Variants in PHF6 observed in about 807,000 individuals in gnomAD.
PHF6 encodes PHD finger protein 6.
Under a neutral mutation model 34.0 loss-of-function variants are expected in PHF6, and 7 were observed. The ratio of observed to expected loss-of-function variants is 0.21; its 90% CI spans 0.12 to 0.39. The LOEUF is 0.39. PHF6 is among the 10% of genes least tolerant of loss of function. PHF6 has a pLI of 1.00. For missense variants in PHF6, 128 were observed against 262.8 expected, an observed-to-expected ratio of 0.49 and a Z score of 3.55; for synonymous variants, 89 against 88.4, an observed-to-expected ratio of 1.01 and a Z score of -0.04.
At position 134,425,297 on chromosome X, in the gene PHF6, A is replaced by G. The variant is rs1403468308; in HGVS notation, c.1065A>G (p.Gln355=). The part of the protein sequence containing the change: ...KSRGKVEIDQ[Q]QLTQQQLNGN ...GAGGAAAAGTAGAAATTGATCAGCA[A>G]CAACTAACTCAGCAGCAACTTAATG... The change falls in exon 10 of 11, where the codon CAA becomes CAG. Residue 355 remains glutamine (Q), a synonymous_variant. Coordinates refer to ENST00000370803, the MANE Select transcript of PHF6 (RefSeq NM_001015877.2). 1 of 1,211,699 alleles carries G rather than the reference A, an allele frequency of 8.3e-7. No individual in the cohort carries two copies. The highest frequency in any genetic ancestry group is 1.7e-5 in the African/African-American group (1 of 57,885).
At chrX:134,396,815 C>T (rs955511773) in intron 5 of PHF6, among the ~76,000 whole-genome samples, 4 of 107,022 alleles carry the variant, frequency 3.7e-5, no homozygotes, top group African/African-American at 1.0e-4. Context: ...TTCTCCTTTA[C>T]GATCATGGTT....
At chrX:134,384,797 G>A (rs887744276) in intron 3 of PHF6, among the ~76,000 whole-genome samples, 10 of 109,961 alleles carry the variant, frequency 9.1e-5, no homozygotes, top group South Asian at 3.9e-4. Flanking sequence ...GACTACAGGC[G>A]CCCACCACCG....
intron 1 of PHF6, among the ~76,000 whole-genome samples, chrX:134,376,065 G>A (rs1391581919): frequency 8.9e-6 from 1 of 112,085 alleles, no homozygotes; most frequent in Non-Finnish European, 1.9e-5. Context: ...AGCAGAGACT[G>A]TCAGGGCCTT....
chrX:134,402,609 AAAAT>A (rs1367876492), intron 5 of PHF6, among the ~76,000 whole-genome samples: 1 of 111,966 alleles, frequency 8.9e-6, no homozygotes, highest in Admixed American at 9.5e-5. Flanking sequence ...GATTAAATGA[AAAAT>A]AATGCGTGTA....
intron 5 of PHF6, among the ~76,000 whole-genome samples, chrX:134,401,721 T>C (rs1346038957): frequency 9.0e-6 from 1 of 111,675 alleles, no homozygotes; most frequent in Non-Finnish European, 1.9e-5. Context: ...ATCCCATGCT[T>C]TCTGAGATGG....
chrX:134,380,257 C>T (rs2124202014), intron 3 of PHF6, among the ~76,000 whole-genome samples: 1 of 108,141 alleles, frequency 9.2e-6, no homozygotes, highest in Admixed American at 9.9e-5. Flanking sequence ...CACCATTCTC[C>T]TGCCTCAGCC....
intron 5 of PHF6, among the ~76,000 whole-genome samples, chrX:134,400,634 G>A (rs895929828): frequency 1.8e-5 from 2 of 110,396 alleles, no homozygotes; most frequent in Non-Finnish European, 3.8e-5. Context: ...TGTGAGGGTT[G>A]GAAGCTGAAG....
chrX:134,397,623 C>T (rs1285736826), intron 5 of PHF6, among the ~76,000 whole-genome samples: 2 of 111,864 alleles, frequency 1.8e-5, no homozygotes, highest in Non-Finnish European at 3.8e-5. Flanking sequence ...GCACTCCAGC[C>T]TGGGTGACAG....
At chrX:134,398,351 C>T (rs1262364143) in intron 5 of PHF6, among the ~76,000 whole-genome samples, 1 of 112,020 alleles carries the variant, frequency 8.9e-6, no homozygotes, top group African/African-American at 3.2e-5. Flanking sequence ...AATCATGCCA[C>T]TGCACTCCAG....
Position 134,423,943 on chromosome X carries a change from A to G in PHF6, c.969-1258A>G, listed in dbSNP as rs1569345602. On this transcript the variant is annotated intron_variant, in intron 9 of 10. Coordinates refer to ENST00000370803, the MANE Select transcript of PHF6 (RefSeq NM_001015877.2). Reference sequence around the variant, plus strand: ...ACTTGGACACAGGGTGGGGAACATCACATACCAGGGCCGGTCGTGGGATGG... The same window carrying G: ...ACTTGGACACAGGGTGGGGAACATCGCATACCAGGGCCGGTCGTGGGATGG... Among the ~76,000 whole-genome samples the G allele has an allele frequency of 2.7e-5, 3 of 109,344 alleles. No homozygotes were observed. In the Admixed American group the frequency reaches 3.0e-4, roughly 11 times the overall value. The allele number at this position is 109,344 out of a possible 115,157, so 95.0% of individuals were successfully genotyped here. A position where few individuals can be genotyped will look rare whatever the true frequency, so the allele number is the denominator to read the frequency against.
chrX:134,406,062 T>TTTTC (rs775639514), intron 5 of PHF6, among the ~76,000 whole-genome samples: 17,155 of 77,851 alleles, frequency 0.22, 1,946 homozygotes, highest in Middle Eastern at 0.38. Flanking sequence ...TCCTTTTTCT[T>TTTTC]TTTCTTTCTT....
chrX:134,393,545 T>C lies in PHF6; in HGVS notation c.285T>C (p.Asp95=). 1 of 1,209,657 alleles carries C rather than the reference T, an allele frequency of 8.3e-7. No homozygotes were observed. Among genetic ancestry groups the C allele is most frequent in the Non-Finnish European group, 1.1e-6 (1 of 893,477 alleles). The part of the protein sequence containing the change: ...CHCPGATIGC[D]VKTCHRTYHY... ...GTCCTGGAGCAACAATTGGTTGTGATGTGAAAACATGTCACAGGACATACC... is the reference window on the plus strand; with the variant it reads ...GTCCTGGAGCAACAATTGGTTGTGACGTGAAAACATGTCACAGGACATACC... The change falls in exon 4 of 11, where the codon GAT becomes GAC. Residue 95 remains aspartate, a synonymous_variant. Transcript: ENST00000370803.
intron 2 of PHF6, 35 bp downstream of exon 2, chrX:134,377,790 G>A (rs755797851): frequency 3.4e-6 from 4 of 1,180,146 alleles, no homozygotes; most frequent in South Asian, 3.6e-5. Context: ...ACCTTGAAAC[G>A]ATTCATGAGA....
chrX:134,390,966 C>CTT (rs60513999), intron 3 of PHF6, among the ~76,000 whole-genome samples: 6 of 92,802 alleles, frequency 6.5e-5, no homozygotes, highest in East Asian at 6.9e-4. Context: ...TTCTTTTTTT[C>CTT]TTTTTTTTTT....
At chrX:134,421,263 G>A (rs750555999) in intron 9 of PHF6, among the ~76,000 whole-genome samples, 3 of 111,354 alleles carry the variant, frequency 2.7e-5, no homozygotes, top group African/African-American at 6.5e-5. Context: ...TTCCACATAT[G>A]TGTGTGTAGG....
At chrX:134,409,254 C>G in intron 5 of PHF6, among the ~76,000 whole-genome samples, 1 of 111,204 alleles carries the variant, frequency 9.0e-6, no homozygotes, top group South Asian at 3.8e-4. Flanking sequence ...AAATGGATAT[C>G]CAGTTGTGCC....
At chrX:134,377,300 A>G (rs2077281672) in intron 1 of PHF6, among the ~76,000 whole-genome samples, 1 of 112,031 alleles carries the variant, frequency 8.9e-6, no homozygotes, top group African/African-American at 3.2e-5. Context: ...TATACTAAAT[A>G]ACCATTTAAA....
intron 3 of PHF6, among the ~76,000 whole-genome samples, chrX:134,389,336 G>A (rs998300706): frequency 1.8e-5 from 2 of 111,282 alleles, no homozygotes; most frequent in African/African-American, 6.5e-5. Context: ...TGAAAAACAT[G>A]TTTCTGTCAG....
chrX:134,388,020 A>G (rs1306534076), intron 3 of PHF6, among the ~76,000 whole-genome samples: 1 of 111,840 alleles, frequency 8.9e-6, no homozygotes, highest in African/African-American at 3.2e-5. Flanking sequence ...TAAAGGATCA[A>G]ACAGAAACAG....
Sources: allele counts gnomAD v4.1 joint callset (sites outside exome capture counted in the v4.1 genomes callset), GRCh38; gene constraint gnomAD v4.1.1; transcripts MANE v1.5; gene names NCBI Gene and HGNC (gene_info 2026-07-23, HGNC 2026-07-21).